CPNE8: variants seen among roughly 807,000 people sequenced by gnomAD.
The protein encoded by CPNE8 is copine 8.
In CPNE8, 45 loss-of-function variants were observed where a neutral mutation model predicts 81.5. That is an observed-to-expected ratio of 0.55 (90% CI 0.44 to 0.71). The LOEUF (loss-of-function observed/expected upper bound fraction) is 0.71. CPNE8 is among the 30% of genes least tolerant of loss of function. The pLI, the probability that CPNE8 is intolerant of heterozygous loss-of-function variation, is 0.00. For missense variants in CPNE8, 594 were observed against 672.1 expected, an observed-to-expected ratio of 0.88 and a Z score of 1.28; for synonymous variants, 252 against 226.3, an observed-to-expected ratio of 1.11 and a Z score of -1.02.
At chr12:38,831,798 G>A (rs949860653) in intron 5 of CPNE8, among the ~76,000 whole-genome samples, 1 of 152,120 alleles carries the variant, frequency 6.6e-6, no homozygotes, top group African/African-American at 2.4e-5. Flanking sequence ...ATGTATCATT[G>A]CTCTTCTGAG....
chr12:38,754,779 A>T (rs951890780), intron 10 of CPNE8, among the ~76,000 whole-genome samples: 6 of 152,120 alleles, frequency 3.9e-5, no homozygotes, highest in Admixed American at 1.3e-4. Flanking sequence ...AATCACATAT[A>T]GATTATGAAA....
intron 1 of CPNE8, 122 bp downstream of exon 1, chr12:38,905,315 A>G: frequency 1.7e-6 from 2 of 1,146,134 alleles, no homozygotes; most frequent in East Asian, 2.6e-5. Flanking sequence ...CTACTGAGAT[A>G]TTTCCCACTC....
At chr12:38,818,984 G>T (rs1592117883) in intron 6 of CPNE8, among the ~76,000 whole-genome samples, 1 of 152,090 alleles carries the variant, frequency 6.6e-6, no homozygotes. Flanking sequence ...AGGGTTGTTT[G>T]ATTTTTTCTT....
At chr12:38,694,874 C>T (rs1331868850) in intron 14 of CPNE8, among the ~76,000 whole-genome samples, 1 of 152,082 alleles carries the variant, frequency 6.6e-6, no homozygotes, top group East Asian at 1.9e-4. Context: ...ACAAAAGTAA[C>T]AAAAAGCACT....
At chr12:38,866,815 G>T (rs750615923) in intron 3 of CPNE8, among the ~76,000 whole-genome samples, 2 of 152,058 alleles carry the variant, frequency 1.3e-5, no homozygotes, top group Non-Finnish European at 2.9e-5. Flanking sequence ...TGTGTTGAGA[G>T]GCTAAATTCG....
At chr12:38,781,758 T>G (rs946809804) in intron 6 of CPNE8, among the ~76,000 whole-genome samples, 6 of 152,076 alleles carry the variant, frequency 3.9e-5, no homozygotes, top group Non-Finnish European at 8.8e-5. Flanking sequence ...TTAATATGTA[T>G]TCCTGATAAG....
chr12:38,748,697 G>A (rs1465262360), intron 10 of CPNE8, among the ~76,000 whole-genome samples: 2 of 151,974 alleles, frequency 1.3e-5, no homozygotes, highest in African/African-American at 4.8e-5. Context: ...TAGAGACGGG[G>A]TTTCACAGTG....
intron 3 of CPNE8, among the ~76,000 whole-genome samples, chr12:38,864,860 C>T (rs1056489849): frequency 6.6e-6 from 1 of 152,116 alleles, no homozygotes; most frequent in Non-Finnish European, 1.5e-5. Context: ...ATATCGCTAT[C>T]TAAGATTAAA....
intron 16 of CPNE8, among the ~76,000 whole-genome samples, chr12:38,680,413 G>A (rs1592005617): frequency 6.6e-6 from 1 of 151,980 alleles, no homozygotes; most frequent in Non-Finnish European, 1.5e-5. Context: ...ATGTTACTAA[G>A]TGTCACCCCA....
At chr12:38,657,219 G>A (rs1225731399) in intron 19 of CPNE8, among the ~76,000 whole-genome samples, 1 of 152,210 alleles carries the variant, frequency 6.6e-6, no homozygotes, top group Non-Finnish European at 1.5e-5. Context: ...CAGACCAGGA[G>A]ATTCTCTCCT....
At chr12:38,719,470 G>A (rs1189769544) in intron 13 of CPNE8, among the ~76,000 whole-genome samples, 2 of 151,840 alleles carry the variant, frequency 1.3e-5, no homozygotes, top group East Asian at 3.9e-4. Context: ...GGGCGTGGTG[G>A]CACATGCCTG....
chr12:38,856,533 C>A (rs998040083), intron 3 of CPNE8, among the ~76,000 whole-genome samples: 1 of 152,102 alleles, frequency 6.6e-6, no homozygotes, highest in Non-Finnish European at 1.5e-5. Flanking sequence ...AGCTAGACAC[C>A]TGGTGTCATC....
chr12:38,677,384 T>A (rs1454381042), intron 17 of CPNE8, 68 bp downstream of exon 17: 4 of 844,646 alleles, frequency 4.7e-6, no homozygotes, highest in Non-Finnish European at 8.2e-6. Context: ...TAGAATAGAC[T>A]CTAGTCTCTC....
intron 6 of CPNE8, among the ~76,000 whole-genome samples, chr12:38,827,223 C>G (rs1404159693): frequency 1.3e-5 from 2 of 150,002 alleles, no homozygotes; most frequent in Non-Finnish European, 3.0e-5. Context: ...GAAAGAAATG[C>G]TCAACATCAC....
At chr12:38,719,584 GAA>G (rs34008352) in intron 13 of CPNE8, among the ~76,000 whole-genome samples, 4 of 124,188 alleles carry the variant, frequency 3.2e-5, no homozygotes, top group Admixed American at 8.3e-5. Flanking sequence ...ATTGTCTCAG[GAA>G]AAAAAAAAAA....
At chr12:38,825,413 T>TAA (rs137855498) in intron 6 of CPNE8, among the ~76,000 whole-genome samples, 1,916 of 152,280 alleles carry the variant, frequency 0.013, 45 homozygotes, top group African/African-American at 0.043. Context: ...GAGCAGGAGT[T>TAA]AGCAAGGATG....
intron 13 of CPNE8, among the ~76,000 whole-genome samples, chr12:38,721,681 G>A (rs769691953): frequency 6.6e-6 from 1 of 152,206 alleles, no homozygotes; most frequent in Non-Finnish European, 1.5e-5. Context: ...CATAGAGAAG[G>A]AGAGAATAGC....
At chr12:38,868,878 C>T (rs61937838) in intron 3 of CPNE8, among the ~76,000 whole-genome samples, 8,108 of 152,108 alleles carry the variant, frequency 0.053, 291 homozygotes, top group Non-Finnish European at 0.08. Context: ...GTTTCTATCC[C>T]TTTCTTCAAA....
chr12:38,669,989 G>GT (rs1939136620), intron 19 of CPNE8, among the ~76,000 whole-genome samples: 1 of 152,146 alleles, frequency 6.6e-6, no homozygotes, highest in Admixed American at 6.5e-5. Flanking sequence ...CTCGTGGCCT[G>GT]TAAGAGAGTG....
Sources: allele counts gnomAD v4.1 joint callset (sites outside exome capture counted in the v4.1 genomes callset), GRCh38; gene constraint gnomAD v4.1.1; transcripts MANE v1.5; gene names NCBI Gene and HGNC (gene_info 2026-07-23, HGNC 2026-07-21).